The following FSTL5 variants were observed in gnomAD, a reference collection of about 807,000 sequenced individuals.
The protein encoded by FSTL5 is follistatin-related protein 5.
Under a neutral mutation model 89.1 loss-of-function variants are expected in FSTL5, and 62 were observed. The ratio of observed to expected loss-of-function variants is 0.70; its 90% CI spans 0.57 to 0.86. The LOEUF (loss-of-function observed/expected upper bound fraction) is 0.86, where lower values mean the gene tolerates loss of function less well. FSTL5 is among the 40% of genes least tolerant of loss of function. FSTL5 has a pLI of 0.00. For synonymous variants in FSTL5, 383 were observed against 346.2 expected (o/e 1.11, Z -1.18); for missense variants, 1,057 against 1,001.6 (o/e 1.06, Z -0.75).
intron 7 of FSTL5, among the ~76,000 whole-genome samples, chr4:161,608,158 A>G (rs756299503): frequency 3.2e-4 from 49 of 152,172 alleles, no homozygotes; most frequent in Non-Finnish European, 6.0e-4. Flanking sequence ...GGAGCAAATT[A>G]AATGACATTT....
intron 3 of FSTL5, among the ~76,000 whole-genome samples, chr4:161,979,260 T>A (rs181105352): frequency 2.0e-4 from 31 of 152,242 alleles, no homozygotes; most frequent in African/African-American, 6.5e-4. Context: ...TCAAGAAGAA[T>A]CAGAAACATG....
intron 3 of FSTL5, among the ~76,000 whole-genome samples, chr4:161,948,921 C>T (rs904429556): frequency 2.0e-5 from 3 of 152,094 alleles, no homozygotes; most frequent in Admixed American, 6.6e-5. Flanking sequence ...GTATTAATTT[C>T]CCATTGATGC....
At chr4:161,708,209 T>A (rs575056240) in intron 6 of FSTL5, among the ~76,000 whole-genome samples, 4 of 152,118 alleles carry the variant, frequency 2.6e-5, no homozygotes, top group African/African-American at 4.8e-5. Flanking sequence ...CTCTATCATG[T>A]TTTTTTCACC....
At chr4:162,008,398 A>G (rs1736670621) in intron 3 of FSTL5, among the ~76,000 whole-genome samples, 2 of 151,894 alleles carry the variant, frequency 1.3e-5, no homozygotes, top group South Asian at 4.1e-4. Flanking sequence ...ACCTTTTAAT[A>G]CTTCAGATTG....
At chr4:161,631,167 G>T (rs1196280537) in intron 7 of FSTL5, among the ~76,000 whole-genome samples, 1 of 152,132 alleles carries the variant, frequency 6.6e-6, no homozygotes, top group African/African-American at 2.4e-5. Flanking sequence ...TATGCCCTGA[G>T]AATAATATAT....
intron 4 of FSTL5, among the ~76,000 whole-genome samples, chr4:161,829,321 T>G (rs1295882066): frequency 6.6e-6 from 1 of 151,172 alleles, no homozygotes; most frequent in African/African-American, 2.4e-5. Flanking sequence ...ACTATTTCCT[T>G]TTATGGGTAA....
chr4:161,464,367 C>T lies in FSTL5; in HGVS notation c.1609-5048G>A, dbSNP rs532659289. ...AGAATCCCAATGCCTGCTTCCTCAA[C>T]ATCTTTGCTCATAATTCACTTTCTC... On this transcript the variant is annotated intron_variant, in intron 13 of 15. Coordinates refer to ENST00000306100, the MANE Select transcript of FSTL5 (RefSeq NM_020116.5). Among the ~76,000 whole-genome samples, 11 of 152,232 alleles carry T rather than the reference C, an allele frequency of 7.2e-5. No individual in the cohort carries two copies. In the South Asian group the frequency reaches 2.1e-3, roughly 29 times the overall value.
At chr4:161,948,929 T>C (rs1000126878) in intron 3 of FSTL5, among the ~76,000 whole-genome samples, 1 of 152,180 alleles carries the variant, frequency 6.6e-6, no homozygotes, top group African/African-American at 2.4e-5. Context: ...TTCCCATTGA[T>C]GCTGTGACAA....
chr4:161,957,679 A>G (rs1361868299), intron 3 of FSTL5, among the ~76,000 whole-genome samples: 2 of 152,148 alleles, frequency 1.3e-5, no homozygotes, highest in African/African-American at 4.8e-5. Context: ...TAAGATAAAC[A>G]TTATGCAGAA....
intron 8 of FSTL5, among the ~76,000 whole-genome samples, chr4:161,553,942 T>C (rs78508325): frequency 0.036 from 5,437 of 151,626 alleles, 332 homozygotes; most frequent in African/African-American, 0.12. Context: ...AAATTTTATT[T>C]AGTTCATCTG....
intron 10 of FSTL5, among the ~76,000 whole-genome samples, chr4:161,536,981 C>G (rs1156233437): frequency 1.3e-5 from 2 of 152,118 alleles, no homozygotes; most frequent in South Asian, 4.1e-4. Flanking sequence ...TATGGTGGAC[C>G]TTATGCAGGC....
intron 7 of FSTL5, among the ~76,000 whole-genome samples, chr4:161,635,997 T>A (rs982368710): frequency 6.6e-6 from 1 of 152,170 alleles, no homozygotes; most frequent in African/African-American, 2.4e-5. Context: ...TTAATTGTGT[T>A]TTTGTTCCCT....
At chr4:161,946,068 TTGTC>T (rs1734726566) in intron 3 of FSTL5, among the ~76,000 whole-genome samples, 1 of 152,156 alleles carries the variant, frequency 6.6e-6, no homozygotes, top group South Asian at 2.1e-4. Context: ...AAAAAGAAGT[TTGTC>T]TATGATTTCT....
intron 1 of FSTL5, among the ~76,000 whole-genome samples, chr4:162,133,054 T>C (rs1197110820): frequency 2.0e-5 from 3 of 152,182 alleles, no homozygotes; most frequent in African/African-American, 7.2e-5. Context: ...GCCCTTCTCC[T>C]ACCTCACTCA....
At chr4:162,073,233 T>C (rs1729699207) in intron 2 of FSTL5, among the ~76,000 whole-genome samples, 2 of 151,784 alleles carry the variant, frequency 1.3e-5, no homozygotes. Flanking sequence ...ATGTTTTTAA[T>C]ACTATCATGT....
At chr4:161,665,475 T>A (rs991894094) in intron 6 of FSTL5, among the ~76,000 whole-genome samples, 1 of 152,020 alleles carries the variant, frequency 6.6e-6, no homozygotes, top group Non-Finnish European at 1.5e-5. Flanking sequence ...CCTCGTGATC[T>A]CCCCGCCTCG....
At chr4:161,892,897 C>T (rs542375468) in intron 4 of FSTL5, among the ~76,000 whole-genome samples, 1 of 152,188 alleles carries the variant, frequency 6.6e-6, no homozygotes, top group East Asian at 1.9e-4. Context: ...GTTACATGCA[C>T]ATTTCAAAAA....
intron 4 of FSTL5, among the ~76,000 whole-genome samples, chr4:161,818,659 G>A (rs976120011): frequency 1.4e-4 from 21 of 152,168 alleles, no homozygotes; most frequent in African/African-American, 4.8e-4. Context: ...ATGGGGACAA[G>A]GGAGCTTTTC....
chr4:161,975,900 G>A (rs1219516785), intron 3 of FSTL5, among the ~76,000 whole-genome samples: 1 of 150,994 alleles, frequency 6.6e-6, no homozygotes, highest in African/African-American at 2.4e-5. Context: ...CGGATCACGA[G>A]GCCAGGAGAC....
Sources: gnomAD v4.1 joint callset for allele counts (sites outside exome capture counted in the v4.1 genomes callset) on GRCh38, gnomAD v4.1.1 for gene constraint, MANE v1.5 for transcripts, NCBI Gene and HGNC (gene_info 2026-07-23, HGNC 2026-07-21) for gene names.